The following PRICKLE2 variants were observed in gnomAD, a reference collection of about 807,000 sequenced individuals.
PRICKLE2 encodes the protein prickle-like protein 2.
Under a neutral mutation model 81.4 loss-of-function variants are expected in PRICKLE2, and 21 were observed. The observed-to-expected ratio is 0.26, with a 90% CI of 0.18 to 0.37. The LOEUF is 0.37. PRICKLE2 is among the 10% of genes least tolerant of loss of function. The probability of loss-of-function intolerance (pLI) is 1.00; values close to 1 mark genes in which losing one functional copy is unlikely to be tolerated. For synonymous variants in PRICKLE2, 456 were observed against 421.5 expected (o/e 1.08, Z -1.00); for missense variants, 940 against 1,109.0 (o/e 0.85, Z 2.16).
intron 7 of PRICKLE2, among the ~76,000 whole-genome samples, chr3:64,121,894 T>C (rs1308208233): frequency 1.3e-5 from 2 of 152,210 alleles, no homozygotes; most frequent in East Asian, 1.9e-4. Flanking sequence ...AGTGAGATAC[T>C]GAATAAATCA....
intron 1 of PRICKLE2, among the ~76,000 whole-genome samples, chr3:64,202,617 T>G (rs1399334897): frequency 1.3e-5 from 2 of 149,558 alleles, no homozygotes; most frequent in Non-Finnish European, 3.0e-5. Flanking sequence ...AATCATTTAT[T>G]AGTTGTATTA....
At chr3:64,190,680 G>C (rs1333349836) in intron 2 of PRICKLE2, among the ~76,000 whole-genome samples, 3 of 152,168 alleles carry the variant, frequency 2.0e-5, no homozygotes, top group African/African-American at 7.2e-5. Context: ...AAATCAAGTG[G>C]AATGCTGCCA....
intron 1 of PRICKLE2, among the ~76,000 whole-genome samples, chr3:64,210,103 C>T (rs1310908189): frequency 6.6e-6 from 1 of 152,088 alleles, no homozygotes; most frequent in African/African-American, 2.4e-5. Flanking sequence ...CACTGCCTGT[C>T]CCAAAGCCCA....
chr3:64,238,599 G>A (rs879468334), intron 2 of PRICKLE2, among the ~76,000 whole-genome samples: 9 of 152,156 alleles, frequency 5.9e-5, no homozygotes, highest in Non-Finnish European at 1.0e-4. Flanking sequence ...TCTGTAAGAG[G>A]GAGAAAAGGT....
chr3:64,258,845 A>AAAAGAAAGAAAG (rs572884974), intron 2 of PRICKLE2, among the ~76,000 whole-genome samples: 1,163 of 33,934 alleles, frequency 0.034, 40 homozygotes, highest in South Asian at 0.041. Context: ...AAAAAAAAAA[A>AAAAGAAAGAAAG]AAAGAAAGAA....
intron 2 of PRICKLE2, among the ~76,000 whole-genome samples, chr3:64,172,700 AC>A (rs1232705814): frequency 5.1e-4 from 78 of 152,272 alleles, no homozygotes; most frequent in Non-Finnish European, 1.9e-4. Context: ...AGAATTGTGT[AC>A]CCCCTGTGAT....
At chr3:64,219,857 G>T (rs2078924901) in intron 1 of PRICKLE2, among the ~76,000 whole-genome samples, 1 of 152,296 alleles carries the variant, frequency 6.6e-6, no homozygotes, top group Non-Finnish European at 1.5e-5. Flanking sequence ...GTGTAAGCTT[G>T]AACGAGTTAC....
intron 7 of PRICKLE2, among the ~76,000 whole-genome samples, chr3:64,107,748 G>A (rs921566052): frequency 6.6e-6 from 1 of 152,174 alleles, no homozygotes; most frequent in Admixed American, 6.6e-5. Context: ...TGGGGAGGCT[G>A]AGGCAGTAGG....
At chr3:64,120,745 G>A (rs540088446) in intron 7 of PRICKLE2, among the ~76,000 whole-genome samples, 1 of 152,220 alleles carries the variant, frequency 6.6e-6, no homozygotes, top group South Asian at 2.1e-4. Context: ...TATCCAGGAA[G>A]GCATATATCA....
At chr3:64,126,264 T>C (rs2077105676) in intron 7 of PRICKLE2, among the ~76,000 whole-genome samples, 1 of 152,172 alleles carries the variant, frequency 6.6e-6, no homozygotes, top group Non-Finnish European at 1.5e-5. Context: ...TCTGAAACAC[T>C]AGGAGATGCA....
At chr3:64,228,676 C>A (rs147664947), upstream of PRICKLE2, among the ~76,000 whole-genome samples, 9 of 152,148 alleles carry the variant, frequency 5.9e-5, no homozygotes, top group East Asian at 1.7e-3. Flanking sequence ...TTCATGACAG[C>A]AAACTTCATG....
chr3:64,203,554 A>C (rs576030341), intron 1 of PRICKLE2, among the ~76,000 whole-genome samples: 1 of 152,196 alleles, frequency 6.6e-6, no homozygotes, highest in Non-Finnish European at 1.5e-5. Context: ...GGAAGAGCAC[A>C]CTAATGCCGG....
intron 7 of PRICKLE2, among the ~76,000 whole-genome samples, chr3:64,108,402 C>T (rs997252643): frequency 3.9e-5 from 6 of 152,090 alleles, no homozygotes; most frequent in Admixed American, 2.0e-4. Flanking sequence ...CTCAACATCC[C>T]GAACTTCAAA....
At chr3:64,198,590 A>G (rs1254657255) in intron 2 of PRICKLE2, 194 bp downstream of exon 2, 2 of 656,314 alleles carry the variant, frequency 3.0e-6, no homozygotes, top group Non-Finnish European at 5.5e-6. Flanking sequence ...TGAATTAGCA[A>G]TGGATCACTC....
In PRICKLE2 at chr3:64,157,307, C is replaced by T; in HGVS notation, c.455G>A (p.Gly152Asp). Residue 152 changes from glycine (G) to aspartate (D), a missense_variant, in exon 5 of 8, where the codon GGC becomes GAC. Physicochemically the swap from Gly to Asp is moderately conservative, Grantham distance 94. Transcript: ENST00000638394. ...IAVFASRAGH[G>D]VCWHPPCFVC... ...GAAGCACGGCGGGTGCCAGCAAACG[C>T]CGTGGCCAGCGCGTGACGCAAACAC... is the stretch of plus-strand genomic sequence containing the variant. The T allele has an allele frequency of 6.2e-7, 1 of 1,614,060 alleles. No homozygotes were observed. The highest frequency in any genetic ancestry group is 1.1e-5 in the South Asian group (1 of 91,066).
rs1436980338 is a variant in PRICKLE2, at chr3:64,243,855, T to C, written c.129-44888A>G. 2.6e-5 allele frequency among the ~76,000 whole-genome samples: 4 copies of C among 152,292 alleles called. No individual in the cohort carries two copies. In the East Asian group the frequency reaches 7.7e-4, roughly 29 times the overall value. The stretch of plus-strand genomic sequence containing the variant: ...ACCCAGTCTACTTGTCCAAGAAATA[T>C]ACATATTTGATCACTGTTCTCAATG... On this transcript the variant is annotated intron_variant, in intron 2 of 8. Transcript: ENST00000295902.
chr3:64,217,953 C>T (rs7638963), intron 1 of PRICKLE2, among the ~76,000 whole-genome samples: 53,128 of 152,094 alleles, frequency 0.35, 10,930 homozygotes, highest in Admixed American at 0.46. Context: ...AATAGGATCA[C>T]TGGGATTCAT....
At chr3:64,149,275 G>A (rs563911300) in intron 6 of PRICKLE2, among the ~76,000 whole-genome samples, 1 of 152,260 alleles carries the variant, frequency 6.6e-6, no homozygotes, top group African/African-American at 2.4e-5. Flanking sequence ...AGCTGATCTG[G>A]GGCCCAACAT....
Position 64,099,482 on chromosome 3 carries a change from C to T in PRICKLE2, c.2104G>A (p.Ala702Thr), listed in dbSNP as rs2076619162. The T allele has an allele frequency of 2.5e-6, 4 of 1,587,604 alleles. No homozygotes were observed. In the East Asian group the frequency reaches 6.8e-5, roughly 27 times the overall value. The stretch of plus-strand genomic sequence containing the variant: ...CGGGAGATGGCCTCGCGTTCGCTGG[C>T]CAGGTGGAGGGCGTTGTCGGAGCGA... ...RSRSDNALHL[A>T]SEREAISRLK... Residue 702 changes from alanine to threonine, a missense_variant, in exon 8 of 8, where the codon GCC (alanine) becomes ACC (threonine). By Grantham distance (58) the Ala-to-Thr change is moderately conservative. This residue lies in a region of PRICKLE2 where 670 missense variants were observed against 717.2 expected (regional missense o/e 0.93). Coordinates refer to ENST00000638394, the MANE Select transcript of PRICKLE2 (RefSeq NM_198859.4). The surrounding 1 kb of genome is among the most constrained non-coding windows in gnomAD (Gnocchi z 4.3).
Sources: allele counts gnomAD v4.1 joint callset (sites outside exome capture counted in the v4.1 genomes callset), GRCh38; gene constraint gnomAD v4.1.1; regional missense constraint gnomAD v4.1.1; non-coding constraint Gnocchi (gnomAD v3.1); transcripts MANE v1.5; gene names NCBI Gene and HGNC (gene_info 2026-07-23, HGNC 2026-07-21).